BCO1: variants seen among roughly 807,000 people sequenced by gnomAD.
The protein encoded by BCO1 is beta-carotene oxygenase 1.
Under a neutral mutation model 56.3 loss-of-function variants are expected in BCO1, and 54 were observed. That is an observed-to-expected ratio of 0.96 (90% CI 0.77 to 1.20). The LOEUF is 1.20. Among genes scored for constraint, BCO1 ranks in the 50% most tolerant of loss-of-function variants. The probability of loss-of-function intolerance (pLI) is 0.00; values close to 1 mark genes in which losing one functional copy is unlikely to be tolerated. For synonymous variants in BCO1, 318 were observed against 266.1 expected, an observed-to-expected ratio of 1.20 and a Z score of -1.90; for missense variants, 801 against 690.9, an observed-to-expected ratio of 1.16 and a Z score of -1.79.
At chr16:81,285,292 T>C (rs545674002) in intron 8 of BCO1, among the ~76,000 whole-genome samples, 22 of 152,384 alleles carry the variant, frequency 1.4e-4, no homozygotes, top group African/African-American at 4.8e-4. Context: ...TAAAGATGTT[T>C]ATACACTTAA....
chr16:81,273,817 G>A (rs931765205), intron 7 of BCO1, among the ~76,000 whole-genome samples: 2 of 152,180 alleles, frequency 1.3e-5, no homozygotes, highest in Non-Finnish European at 2.9e-5. Context: ...GGCTTACCAA[G>A]ACCTGATCTC....
In BCO1 at chr16:81,290,437, C is replaced by A. The variant is rs772011367; in HGVS notation, c.1504C>A (p.Arg502Ser). The change falls in exon 11 of 11, where the codon CGT becomes AGT. Residue 502 changes from arginine to serine, a missense_variant. By Grantham distance (110) the Arg-to-Ser change is moderately radical. Coordinates refer to ENST00000258168, the MANE Select transcript of BCO1 (RefSeq NM_017429.3). ...TGCCAAAAGCTTTACGGAATTGGCC[C>A]GTGCCTCTGTTGATGTCGATATGCA... Reference protein sequence around the residue: ...LDAKSFTELARASVDVDMHMD... With the variant: ...LDAKSFTELASASVDVDMHMD... 1 of 1,614,016 alleles carries A rather than the reference C, an allele frequency of 6.2e-7. No homozygotes were observed. Among genetic ancestry groups the A allele is most frequent in the Non-Finnish European group, 8.5e-7 (1 of 1,180,032 alleles).
At chr16:81,244,144 G>A (rs1440132482) in intron 1 of BCO1, among the ~76,000 whole-genome samples, 2 of 152,256 alleles carry the variant, frequency 1.3e-5, no homozygotes, top group East Asian at 1.9e-4. Flanking sequence ...CAGGCAGGGA[G>A]CTGCAGGCAT....
At chr16:81,264,876 C>A in intron 5 of BCO1, 89 bp downstream of exon 5, 1 of 1,437,574 alleles carries the variant, frequency 7.0e-7, no homozygotes, top group Non-Finnish European at 9.8e-7. Context: ...GACACAAGAT[C>A]CAGTGTGGTA....
At chr16:81,263,517 C>T (rs182380097) in intron 4 of BCO1, 2 of 152,298 alleles carry the variant, frequency 1.3e-5, no homozygotes, top group East Asian at 3.9e-4. Flanking sequence ...TCACAGGTAC[C>T]CAAGGTGAGG....
chr16:81,249,430 G>T (rs1038699497), intron 2 of BCO1, among the ~76,000 whole-genome samples: 1 of 152,068 alleles, frequency 6.6e-6, no homozygotes, highest in African/African-American at 2.4e-5. Flanking sequence ...CTAATTTTTT[G>T]TATTTTTAGT....
intron 3 of BCO1, among the ~76,000 whole-genome samples, chr16:81,260,292 C>T (rs1053782596): frequency 1.4e-5 from 2 of 143,130 alleles, no homozygotes; most frequent in African/African-American, 5.2e-5. Context: ...GAAGCTTTTC[C>T]AAGATAGACT....
Position 81,238,700 on chromosome 16 carries a change from G to A in BCO1, c.-209G>A. The A allele has an allele frequency of 1.7e-6, 1 of 605,052 alleles. No homozygotes were observed. Among genetic ancestry groups the A allele is most frequent in the East Asian group, 2.8e-5 (1 of 35,430 alleles). 37.5% of individuals were successfully genotyped at this position (605,052 alleles called of 1,614,324 possible). A position where few individuals can be genotyped will look rare whatever the true frequency, so the allele number is the denominator to read the frequency against. ...GCGCAGCTTCCCTTGTGAATGTAAA[G>A]AGATCCAGGGCTCTTGGAGAGGGAC... On this transcript the variant is annotated 5_prime_UTR_variant, in exon 1 of 11. Transcript: ENST00000258168.
chr16:81,256,178 G>A (rs570207653), intron 2 of BCO1, among the ~76,000 whole-genome samples: 1 of 151,480 alleles, frequency 6.6e-6, no homozygotes, highest in African/African-American at 2.4e-5. Flanking sequence ...TTCCAGTGTT[G>A]TGAGTATGAA....
rs775114265 is a variant in BCO1, at chr16:81,267,905, T to G, written c.620-3T>G. On this transcript the variant is annotated splice_polypyrimidine_tract_variant and splice_region_variant and intron_variant, in intron 5 of 10. Coordinates refer to ENST00000258168, the MANE Select transcript of BCO1 (RefSeq NM_017429.3). Reference sequence around the variant, plus strand: ...TCCTGAGGCTTGCTTTTTGTCTTGCTAGAGGGCAAGAAGCAGGGGAAGAGC... The same window carrying G: ...TCCTGAGGCTTGCTTTTTGTCTTGCGAGAGGGCAAGAAGCAGGGGAAGAGC... The G allele has an allele frequency of 5.0e-6, 8 of 1,613,294 alleles. No homozygotes were observed. Among genetic ancestry groups the G allele is most frequent in the Non-Finnish European group, 6.8e-6 (8 of 1,179,552 alleles).
chr16:81,259,582 T>C (rs1906354673), intron 2 of BCO1, 94 bp from the exon 3 acceptor site: 1 of 1,533,184 alleles, frequency 6.5e-7, no homozygotes, highest in Non-Finnish European at 9.0e-7. Context: ...AATAACCACC[T>C]TCTTCTCCCA....
At chr16:81,269,015 C>T (rs1362424487) in intron 6 of BCO1, among the ~76,000 whole-genome samples, 1 of 151,008 alleles carries the variant, frequency 6.6e-6, no homozygotes, top group Non-Finnish European at 1.5e-5. Context: ...ATCCTCCTCC[C>T]TTCCCCTCCC....
intron 8 of BCO1, among the ~76,000 whole-genome samples, chr16:81,285,328 C>T (rs943707141): frequency 2.6e-5 from 4 of 152,170 alleles, no homozygotes; most frequent in African/African-American, 9.7e-5. Context: ...TACCTTGCTC[C>T]TGGACTCTCT....
intron 2 of BCO1, among the ~76,000 whole-genome samples, chr16:81,248,166 C>T (rs969624925): frequency 1.3e-5 from 2 of 152,056 alleles, no homozygotes; most frequent in Admixed American, 6.6e-5. Context: ...CTTTGGGAGG[C>T]CGAGGCGGGT....
chr16:81,247,570 A>C (rs1012769774), intron 2 of BCO1, among the ~76,000 whole-genome samples: 8 of 151,928 alleles, frequency 5.3e-5, no homozygotes, highest in Non-Finnish European at 5.9e-5. Flanking sequence ...CTTGTTGCCC[A>C]GGCTGGTGTG....
intron 2 of BCO1, among the ~76,000 whole-genome samples, chr16:81,252,855 T>C (rs1303459846): frequency 1.3e-5 from 2 of 152,114 alleles, no homozygotes; most frequent in Non-Finnish European, 2.9e-5. Context: ...ACCCCTTACA[T>C]TACCACATCT....
intron 9 of BCO1, among the ~76,000 whole-genome samples, chr16:81,286,829 C>G (rs575674341): frequency 1.1e-4 from 16 of 152,236 alleles, no homozygotes; most frequent in African/African-American, 3.9e-4. Flanking sequence ...GTAATCCCAG[C>G]ATTCTGGGAG....
At chr16:81,259,139 C>T (rs1906322993) in intron 2 of BCO1, among the ~76,000 whole-genome samples, 1 of 152,128 alleles carries the variant, frequency 6.6e-6, no homozygotes, top group Non-Finnish European at 1.5e-5. Flanking sequence ...ACATTCAAAC[C>T]GTAACACATA....
At chr16:81,285,087 G>A (rs547801991) in intron 8 of BCO1, among the ~76,000 whole-genome samples, 20 of 150,518 alleles carry the variant, frequency 1.3e-4, no homozygotes, top group Admixed American at 4.6e-4. Context: ...TGATCTGCCC[G>A]CCTCGGCCTC....
Sources: gnomAD v4.1 joint callset for allele counts (sites outside exome capture counted in the v4.1 genomes callset) on GRCh38, gnomAD v4.1.1 for gene constraint, MANE v1.5 for transcripts, NCBI Gene and HGNC (gene_info 2026-07-23, HGNC 2026-07-21) for gene names.